LPGAT1: variants seen among roughly 807,000 people sequenced by gnomAD.
LPGAT1 encodes the protein acyl-CoA:lysophosphatidylglycerol acyltransferase 1.
A neutral mutation model predicts 47.5 loss-of-function variants in LPGAT1; 11 were observed. That is an observed-to-expected ratio of 0.23 (90% confidence interval 0.15 to 0.38). The LOEUF (loss-of-function observed/expected upper bound fraction) is 0.38. Ranked by LOEUF, LPGAT1 falls within the 10% of genes least tolerant of loss-of-function variation. The pLI is 1.00. For synonymous variants in LPGAT1, 138 were observed against 144.2 expected (o/e 0.96, Z 0.31); for missense variants, 293 against 439.0 (o/e 0.67, Z 2.97).
Position 211,746,442 on chromosome 1 carries a change from C to T in LPGAT1, c.*3457G>A, listed in dbSNP as rs1372928489. 3.3e-5 allele frequency: 5 copies of T among 152,110 alleles called. No individual in the cohort carries two copies. The highest frequency in any genetic ancestry group is 3.3e-4 in the Admixed American group (5 of 15,272). The allele number at this position is 152,110 out of a possible 1,614,324, so 9.4% of individuals were successfully genotyped here. On this transcript the variant is annotated 3_prime_UTR_variant, in exon 8 of 8. Transcript: ENST00000366997. ...TCATTTCACTACTCATTAACACAGTCATAAATATATAGGCAAAAAACCCCT... is the reference window on the plus strand; with the variant it reads ...TCATTTCACTACTCATTAACACAGTTATAAATATATAGGCAAAAAACCCCT...
At position 211,748,133 on chromosome 1, in the gene LPGAT1, T is replaced by C. The variant is rs1272046008; in HGVS notation, c.*1766A>G. On this transcript the variant is annotated 3_prime_UTR_variant, in exon 8 of 8. Coordinates refer to ENST00000366997, the MANE Select transcript of LPGAT1 (RefSeq NM_014873.3). ...AAAACAGCAACCTTTTTTTGTTTTA[T>C]AGCCTACTTCTCAAAATTGTTGTGT... 2 of 150,786 alleles carry C rather than the reference T, an allele frequency of 1.3e-5. No individual in the cohort carries two copies. The highest frequency in any genetic ancestry group is 3.0e-5 in the Non-Finnish European group (2 of 67,408). The allele number at this position is 150,786 out of a possible 1,614,324, so 9.3% of individuals were successfully genotyped here. A position where few individuals can be genotyped will look rare whatever the true frequency, so the allele number is the denominator to read the frequency against.
chr1:211,830,145 G>T lies in LPGAT1; in HGVS notation c.-28+428C>A, dbSNP rs1660680585. The T allele has an allele frequency of 2.0e-6, 2 of 983,822 alleles. No homozygotes were observed. The highest frequency in any genetic ancestry group is 2.4e-6 in the Non-Finnish European group (2 of 829,550). The allele number at this position is 983,822 out of a possible 1,614,324, so 60.9% of individuals were successfully genotyped here. A position where few individuals can be genotyped will look rare whatever the true frequency, so the allele number is the denominator to read the frequency against. The stretch of plus-strand genomic sequence containing the variant: ...GCAGCGGTTTCCGCGGATGTGGAAG[G>T]GTCGTGGCGGCGGGCGCGGCCCGCG... On this transcript the variant is annotated intron_variant, in intron 1 of 7. Transcript: ENST00000366997. This position sits in a 1 kb window ranked among gnomAD's most constrained non-coding sequence, Gnocchi z 5.9.
intron 4 of LPGAT1, 142 bp from the exon 5 acceptor site, chr1:211,783,644 C>T (rs1004451060): frequency 5.5e-5 from 33 of 598,154 alleles, no homozygotes; most frequent in Admixed American, 1.0e-4. Flanking sequence ...CAACTTACTG[C>T]CCTTTTTGAC....
At chr1:211,825,882 C>T (rs771425270) in intron 2 of LPGAT1, among the ~76,000 whole-genome samples, 2 of 152,070 alleles carry the variant, frequency 1.3e-5, no homozygotes, top group Non-Finnish European at 2.9e-5. Context: ...ATCGCTTGAA[C>T]TCGGGAGGCG....
chr1:211,829,637 G>C, intron 1 of LPGAT1: 1 of 1,108,266 alleles, frequency 9.0e-7, no homozygotes, highest in Non-Finnish European at 1.1e-6. Context: ...TCGTCTATTG[G>C]ACTTAGAAAA....
chr1:211,825,515 A>G (rs1019971144), intron 2 of LPGAT1, among the ~76,000 whole-genome samples: 1 of 152,154 alleles, frequency 6.6e-6, no homozygotes, highest in African/African-American at 2.4e-5. Context: ...GGGGTGGGGT[A>G]CTGATTTATC....
chr1:211,755,579 T>C (rs1393331538), intron 6 of LPGAT1, among the ~76,000 whole-genome samples: 3 of 148,832 alleles, frequency 2.0e-5, no homozygotes, highest in African/African-American at 7.4e-5. Context: ...AAGGAAGGAG[T>C]GTGGCATGAA....
intron 2 of LPGAT1, among the ~76,000 whole-genome samples, chr1:211,815,773 C>CTTTTTTTTTTTTTTT (rs938719098): frequency 9.8e-6 from 1 of 101,846 alleles, no homozygotes; most frequent in Admixed American, 1.2e-4. Flanking sequence ...AAATGCTTTT[C>CTTTTTTTTTTTTTTT]TTTTTTTTTT....
chr1:211,803,127 A>G (rs763196097), intron 2 of LPGAT1: 1 of 152,188 alleles, frequency 6.6e-6, no homozygotes. Context: ...AAAAAATTCC[A>G]AAGAAAAACT....
rs1658722797 is a variant in LPGAT1 at position 211,783,459 on chromosome 1, T to C, written c.497A>G (p.His166Arg). The stretch of plus-strand genomic sequence containing the variant: ...TCTGCTCCTGTAATTATTTTCTAAG[T>C]GCTTCTTGAGAAGCAGCAGCTGTTG... ...RDQQLLLLKK[H>R]LENNYRSRDR... The change falls in exon 5 of 8, where the codon CAC becomes CGC. Residue 166 changes from histidine (H) to arginine (R), a missense_variant. Coordinates refer to ENST00000366997, the MANE Select transcript of LPGAT1 (RefSeq NM_014873.3). 2 of 1,614,060 alleles carry C rather than the reference T, an allele frequency of 1.2e-6. No individual in the cohort carries two copies. The highest frequency in any genetic ancestry group is 1.7e-6 in the Non-Finnish European group (2 of 1,179,988).
In LPGAT1 at chr1:211,746,314, A is replaced by G. The variant is rs1656939620; in HGVS notation, c.*3585T>C. 6.6e-6 allele frequency: 1 copy of G among 152,646 alleles called. No homozygotes were observed. Among genetic ancestry groups the G allele is most frequent in the African/African-American group, 2.4e-5 (1 of 41,466 alleles). 9.5% of individuals were successfully genotyped at this position (152,646 alleles called of 1,614,324 possible). A position where few individuals can be genotyped will look rare whatever the true frequency, so the allele number is the denominator to read the frequency against. ...TTCATTTTCATAAAAAGGCTTGAGA[A>G]CAATGCCAATACTGCCAATTTTTGA... On this transcript the variant is annotated 3_prime_UTR_variant, in exon 8 of 8. Transcript: ENST00000366997.
rs1412464080 is a variant in LPGAT1, at chr1:211,744,468, G to A, written c.*5431C>T. 2 of 152,176 alleles carry A rather than the reference G, an allele frequency of 1.3e-5. No individual in the cohort carries two copies. Among genetic ancestry groups the A allele is most frequent in the Non-Finnish European group, 2.9e-5 (2 of 68,022 alleles). 9.4% of individuals were successfully genotyped at this position (152,176 alleles called of 1,614,324 possible). On this transcript the variant is annotated 3_prime_UTR_variant, in exon 8 of 8. Transcript: ENST00000366997. Reference sequence around the variant, plus strand: ...TGATAATAAATTTATTGGGAAATGAGTTAGATTTGGACAGTCTGCCATTTT... The same window carrying A: ...TGATAATAAATTTATTGGGAAATGAATTAGATTTGGACAGTCTGCCATTTT...
At position 211,749,818 on chromosome 1, in the gene LPGAT1, G is replaced by T; in HGVS notation, c.*81C>A. 7.3e-7 allele frequency: 1 copy of T among 1,376,284 alleles called. No individual in the cohort carries two copies. Among genetic ancestry groups the T allele is most frequent in the African/African-American group, 1.5e-5 (1 of 68,576 alleles). The allele number at this position is 1,376,284 out of a possible 1,614,324, so 85.3% of individuals were successfully genotyped here. A position where few individuals can be genotyped will look rare whatever the true frequency, so the allele number is the denominator to read the frequency against. ...TTTTGCTTTTTTTTAAATATATTCT[G>T]ATTTGCACATGTAAAATAATGCACA... On this transcript the variant is annotated 3_prime_UTR_variant, in exon 8 of 8. Coordinates refer to ENST00000366997, the MANE Select transcript of LPGAT1 (RefSeq NM_014873.3).
At chr1:211,763,561 T>G (rs1312884324) in intron 6 of LPGAT1, among the ~76,000 whole-genome samples, 1 of 152,190 alleles carries the variant, frequency 6.6e-6, no homozygotes, top group Non-Finnish European at 1.5e-5. Context: ...AAAATTAACT[T>G]AGATATAGGA....
chr1:211,775,185 C>T (rs1051355283), intron 6 of LPGAT1, among the ~76,000 whole-genome samples: 2 of 152,108 alleles, frequency 1.3e-5, no homozygotes, highest in Non-Finnish European at 2.9e-5. Context: ...GGCGTGGTGG[C>T]AGGTGCCTGC....
chr1:211,830,071 G>T lies in LPGAT1; in HGVS notation c.-28+502C>A. 2.0e-6 allele frequency: 2 copies of T among 984,764 alleles called. No individual in the cohort carries two copies. Among genetic ancestry groups the T allele is most frequent in the Non-Finnish European group, 2.4e-6 (2 of 830,110 alleles). 61.0% of individuals were successfully genotyped at this position (984,764 alleles called of 1,614,324 possible). ...AGAGGGCAAGGAAGCAGGGGATGAT[G>T]AAAGGGGCAGAGAAGAGGCGACCGC... On this transcript the variant is annotated intron_variant, in intron 1 of 7. Coordinates refer to ENST00000366997, the MANE Select transcript of LPGAT1 (RefSeq NM_014873.3). This position sits in a 1 kb window ranked among gnomAD's most constrained non-coding sequence, Gnocchi z 5.9.
intron 2 of LPGAT1, among the ~76,000 whole-genome samples, chr1:211,794,516 G>T (rs113211502): frequency 0.025 from 3,848 of 152,168 alleles, 73 homozygotes; most frequent in Non-Finnish European, 0.039. Context: ...ATGTTGCCCA[G>T]GCTGATCTCA....
intron 2 of LPGAT1, chr1:211,803,188 C>T (rs1332996335): frequency 6.6e-6 from 1 of 152,100 alleles, no homozygotes; most frequent in Non-Finnish European, 1.5e-5. Context: ...CAGGTGCAAG[C>T]ACAGAAAAAT....
At chr1:211,797,084 T>C (rs542564957) in intron 2 of LPGAT1, among the ~76,000 whole-genome samples, 103 of 152,074 alleles carry the variant, frequency 6.8e-4, no homozygotes, top group African/African-American at 2.4e-3. Flanking sequence ...GGTGAAACCC[T>C]GTCTCTTCTA....
Sources: gnomAD v4.1 joint callset for allele counts (sites outside exome capture counted in the v4.1 genomes callset) on GRCh38, gnomAD v4.1.1 for gene constraint, Gnocchi (gnomAD v3.1) non-coding constraint, MANE v1.5 for transcripts, NCBI Gene and HGNC (gene_info 2026-07-23, HGNC 2026-07-21) for gene names.